GOLPH3L: variants seen among roughly 807,000 people sequenced by gnomAD.
The protein encoded by GOLPH3L is golgi phosphoprotein 3 like, also known as Golgi phosphoprotein 3-like.
A neutral mutation model predicts 30.3 loss-of-function variants in GOLPH3L; 22 were observed. That is an observed-to-expected ratio of 0.73 (90% CI 0.52 to 1.04). The LOEUF is 1.04. Ranked by LOEUF, GOLPH3L falls within the 50% of genes least tolerant of loss-of-function variation. The pLI is 0.00. For missense variants in GOLPH3L, 303 were observed against 345.8 expected (o/e 0.88, Z 0.98); for synonymous variants, 120 against 128.2 (o/e 0.94, Z 0.43).
At chr1:150,686,586 C>A (rs587674356) in intron 2 of GOLPH3L, among the ~76,000 whole-genome samples, 1 of 152,278 alleles carries the variant, frequency 6.6e-6, no homozygotes, top group African/African-American at 2.4e-5. Flanking sequence ...GAGAATGATA[C>A]CTGCCTTGCA....
intron 2 of GOLPH3L, among the ~76,000 whole-genome samples, chr1:150,670,900 C>A (rs587646031): frequency 6.6e-6 from 1 of 152,214 alleles, no homozygotes; most frequent in East Asian, 1.9e-4. Context: ...TCTATCCAAG[C>A]CCCTTACTGA....
chr1:150,693,573 T>C (rs1651261296), intron 2 of GOLPH3L, among the ~76,000 whole-genome samples: 1 of 151,514 alleles, frequency 6.6e-6, no homozygotes, highest in African/African-American at 2.4e-5. Flanking sequence ...GGGAATAGTG[T>C]GATGAGAAAA....
At chr1:150,652,886 A>C (rs1650156900) in intron 4 of GOLPH3L, among the ~76,000 whole-genome samples, 1 of 152,142 alleles carries the variant, frequency 6.6e-6, no homozygotes, top group Middle Eastern at 3.2e-3. Context: ...AATGGTAAAT[A>C]AGGAGGTTAA....
At chr1:150,684,133 T>C (rs1046051785) in intron 2 of GOLPH3L, among the ~76,000 whole-genome samples, 4 of 152,178 alleles carry the variant, frequency 2.6e-5, no homozygotes, top group Admixed American at 2.0e-4. Flanking sequence ...GCAGGAAGTC[T>C]GCAGGGCAAG....
At chr1:150,669,993 G>A (rs891299675) in intron 2 of GOLPH3L, among the ~76,000 whole-genome samples, 4 of 149,076 alleles carry the variant, frequency 2.7e-5, no homozygotes, top group East Asian at 2.0e-4. Context: ...CGGCGTGGTC[G>A]CTCAGGACTG....
At chr1:150,681,328 C>A (rs1005004324) in intron 2 of GOLPH3L, among the ~76,000 whole-genome samples, 1 of 151,982 alleles carries the variant, frequency 6.6e-6, no homozygotes, top group Non-Finnish European at 1.5e-5. Flanking sequence ...GCGCTTTTAT[C>A]CACTGCTGAT....
At chr1:150,696,605 G>A (rs1651361666) in intron 1 of GOLPH3L, among the ~76,000 whole-genome samples, 1 of 152,054 alleles carries the variant, frequency 6.6e-6, no homozygotes, top group Admixed American at 6.6e-5. Context: ...CAAATGAAGT[G>A]AGCTACAAAA....
intron 2 of GOLPH3L, among the ~76,000 whole-genome samples, chr1:150,691,721 A>C (rs954173757): frequency 6.6e-6 from 1 of 152,202 alleles, no homozygotes; most frequent in Non-Finnish European, 1.5e-5. Flanking sequence ...GTACCACCTA[A>C]ATATGCAACC....
chr1:150,672,867 T>G (rs1008633668), intron 2 of GOLPH3L, among the ~76,000 whole-genome samples: 1 of 152,196 alleles, frequency 6.6e-6, no homozygotes, highest in Admixed American at 6.5e-5. Flanking sequence ...ATTATAAATA[T>G]AGGCAAATGG....
intron 2 of GOLPH3L, among the ~76,000 whole-genome samples, chr1:150,678,831 G>T (rs1270170373): frequency 6.6e-6 from 1 of 152,150 alleles, no homozygotes; most frequent in South Asian, 2.1e-4. Flanking sequence ...GCACACGCCT[G>T]TAGTCCCAGC....
At chr1:150,674,569 T>C (rs1016514388) in intron 2 of GOLPH3L, among the ~76,000 whole-genome samples, 1 of 151,896 alleles carries the variant, frequency 6.6e-6, no homozygotes, top group East Asian at 1.9e-4. Context: ...GGCCTTTTTC[T>C]TTTTTTTAAA....
At chr1:150,693,505 G>C (rs1651259294) in intron 2 of GOLPH3L, among the ~76,000 whole-genome samples, 1 of 151,846 alleles carries the variant, frequency 6.6e-6, no homozygotes, top group Non-Finnish European at 1.5e-5. Flanking sequence ...GGTTATTTAA[G>C]GCTTTCCTGG....
chr1:150,648,376 T>C lies in GOLPH3L; in HGVS notation c.803A>G (p.Lys268Arg), dbSNP rs147746396. 4.3e-3 allele frequency: 7,002 copies of C among 1,613,974 alleles called. 23 individuals carry two copies. The highest frequency in any genetic ancestry group is 5.2e-3 in the Non-Finnish European group (6,112 of 1,179,882). ...VELDPEVEGT[K>R]PSATEMIWAV... ...CCAGATCATTTCTGTGGCACTAGGC[T>C]TTGTCCCTTCCACTTCAGGGTCCAG... The change falls in exon 5 of 5, where the codon AAG becomes AGG. Residue 268 changes from lysine to arginine, a missense_variant. Transcript: ENST00000271732.
chr1:150,676,154 T>G (rs1184929188), intron 2 of GOLPH3L, among the ~76,000 whole-genome samples: 2 of 151,790 alleles, frequency 1.3e-5, no homozygotes, highest in East Asian at 3.9e-4. Context: ...TTGTATTTTT[T>G]GCAGAGACAA....
intron 3 of GOLPH3L, among the ~76,000 whole-genome samples, chr1:150,662,894 G>GT (rs768498429): frequency 1.3e-5 from 2 of 152,174 alleles, no homozygotes; most frequent in Non-Finnish European, 2.9e-5. Context: ...GAAAAATTCA[G>GT]TAAGAAAATG....
In GOLPH3L at chr1:150,646,582, A is replaced by C. The variant is rs1649982922; in HGVS notation, c.*1739T>G. Reference sequence around the variant, plus strand: ...GAGACTGTTTCCTATTACAATTTATATCTCTATTTGCCTAAGAGATACCTA... The same window carrying C: ...GAGACTGTTTCCTATTACAATTTATCTCTCTATTTGCCTAAGAGATACCTA... On this transcript the variant is annotated 3_prime_UTR_variant, in exon 5 of 5. Transcript: ENST00000271732. The C allele has an allele frequency of 1.3e-5, 2 of 152,232 alleles. No individual in the cohort carries two copies. The highest frequency in any genetic ancestry group is 4.8e-5 in the African/African-American group (2 of 41,466). The allele number at this position is 152,232 out of a possible 1,614,324, so 9.4% of individuals were successfully genotyped here.
rs1359958423 is a variant in GOLPH3L at position 150,646,272 on chromosome 1, T to G, written c.*2049A>C. ...TTATTATACAGAAATGTGAAGGCCATAAGCATTAAATGAGAAGGAGTTTGG... is the reference window on the plus strand; with the variant it reads ...TTATTATACAGAAATGTGAAGGCCAGAAGCATTAAATGAGAAGGAGTTTGG... On this transcript the variant is annotated 3_prime_UTR_variant, in exon 5 of 5. Coordinates refer to ENST00000271732, the MANE Select transcript of GOLPH3L (RefSeq NM_018178.6). The G allele has an allele frequency of 6.6e-6, 1 of 152,196 alleles. No homozygotes were observed. The highest frequency in any genetic ancestry group is 1.5e-5 in the Non-Finnish European group (1 of 68,040). 9.4% of individuals were successfully genotyped at this position (152,196 alleles called of 1,614,324 possible).
intron 2 of GOLPH3L, among the ~76,000 whole-genome samples, chr1:150,667,010 G>A (rs1417831791): frequency 1.3e-5 from 2 of 152,162 alleles, no homozygotes; most frequent in Non-Finnish European, 2.9e-5. Context: ...CAGAGGGAAA[G>A]ATCTGTTTCT....
At chr1:150,668,545 G>A (rs1183258838) in intron 2 of GOLPH3L, among the ~76,000 whole-genome samples, 1 of 152,044 alleles carries the variant, frequency 6.6e-6, no homozygotes, top group East Asian at 1.9e-4. Context: ...ACCACACCCA[G>A]CTAATATTTG....
Sources: allele counts gnomAD v4.1 joint callset (sites outside exome capture counted in the v4.1 genomes callset), GRCh38; gene constraint gnomAD v4.1.1; transcripts MANE v1.5; gene names NCBI Gene and HGNC (gene_info 2026-07-23, HGNC 2026-07-21).